Variants in NAA25 observed in about 807,000 individuals in gnomAD.
NAA25 encodes N-terminal acetyltransferase B complex subunit NAA25.
NAA25 carries 30 observed loss-of-function variants against 132.5 expected under a neutral mutation model. That is an observed-to-expected ratio of 0.23 (90% CI 0.17 to 0.31). NAA25 has a LOEUF of 0.31. Ranked by LOEUF, NAA25 falls within the 10% of genes least tolerant of loss-of-function variation. The pLI, the probability that NAA25 is intolerant of heterozygous loss-of-function variation, is 1.00. For missense variants in NAA25, 771 were observed against 1,150.4 expected (o/e 0.67, Z 4.77); for synonymous variants, 359 against 401.9 (o/e 0.89, Z 1.28).
chr12:112,070,135 A>G (rs959672726), intron 10 of NAA25, among the ~76,000 whole-genome samples: 13 of 152,278 alleles, frequency 8.5e-5, no homozygotes, highest in African/African-American at 3.1e-4. Flanking sequence ...CTCAAAAATA[A>G]TAATAATAAA....
intron 22 of NAA25, among the ~76,000 whole-genome samples, chr12:112,036,794 T>C (rs937193621): frequency 1.3e-4 from 20 of 151,404 alleles, no homozygotes; most frequent in African/African-American, 4.9e-4. Flanking sequence ...GTTGTAGTGA[T>C]TGCGCCATTG....
chr12:112,040,611 CTT>C (rs1169053630), intron 20 of NAA25, 33 bp from the exon 21 acceptor site: 1 of 1,231,814 alleles, frequency 8.1e-7, no homozygotes, highest in Non-Finnish European at 1.2e-6. Context: ...TTTTATTCAG[CTT>C]TTGTTTCAAT....
chr12:112,058,457 T>G (rs2078578257), intron 13 of NAA25, among the ~76,000 whole-genome samples: 1 of 152,218 alleles, frequency 6.6e-6, no homozygotes. Context: ...CACTTGACTT[T>G]TATCCTCAGG....
At chr12:112,107,046 G>C (rs1259500737) in intron 1 of NAA25, among the ~76,000 whole-genome samples, 4 of 151,354 alleles carry the variant, frequency 2.6e-5, no homozygotes, top group Non-Finnish European at 5.9e-5. Context: ...AGGCTGAGTA[G>C]GTCAAGAGTT....
At chr12:112,092,868 G>A (rs1455110243) in intron 2 of NAA25, among the ~76,000 whole-genome samples, 183 bp downstream of exon 2, 1 of 151,898 alleles carries the variant, frequency 6.6e-6, no homozygotes, top group Non-Finnish European at 1.5e-5. Flanking sequence ...AGTAGAGACA[G>A]GGTTTCACCA....
At position 112,043,187 on chromosome 12, in the gene NAA25, T is replaced by C. The variant is rs747279179; in HGVS notation, c.2275A>G (p.Thr759Ala). The change falls in exon 19 of 24, where the codon ACC becomes GCC. Residue 759 changes from threonine (T) to alanine (A), a missense_variant. Transcript: ENST00000261745. Reference protein sequence around the residue: ...IQYPFLGPVPTRMGGFFNSGC... With the variant: ...IQYPFLGPVPARMGGFFNSGC... ...GAATTAAAGAATCCACCCATTCTGG[T>C]AGGTACAGGACCAAGGAAAGGATAC... 1.9e-6 allele frequency: 3 copies of C among 1,612,976 alleles called. No individual in the cohort carries two copies. The highest frequency in any genetic ancestry group is 2.2e-5 in the East Asian group (1 of 44,840).
In NAA25 at chr12:112,071,959, A is replaced by T; in HGVS notation, c.972T>A (p.His324Gln). The T allele has an allele frequency of 6.2e-7, 1 of 1,614,070 alleles. No homozygotes were observed. The highest frequency in any genetic ancestry group is 8.5e-7 in the Non-Finnish European group (1 of 1,179,998). The change falls in exon 10 of 24, where the codon CAT (histidine) becomes CAA (glutamine). Residue 324 changes from histidine (H) to glutamine (Q), a missense_variant. This residue lies in a region of NAA25 where 417 missense variants were observed against 733.8 expected (regional missense o/e 0.57). Coordinates refer to ENST00000261745, the MANE Select transcript of NAA25 (RefSeq NM_024953.4). The stretch of plus-strand genomic sequence containing the variant: ...GCCTAATCAGCTCCAATTTAGCTAG[A>T]TGTGGTCCTCGGAGATGGCGAGAAC... The part of the protein sequence containing the change: ...SKSSRHLRGP[H>Q]LAKLELIRRL...
chr12:112,063,322 T>C (rs983497798), intron 11 of NAA25, among the ~76,000 whole-genome samples: 13 of 152,142 alleles, frequency 8.5e-5, no homozygotes, highest in Non-Finnish European at 1.5e-4. Flanking sequence ...ATAGAATATA[T>C]TAATTTCTAA....
intron 1 of NAA25, among the ~76,000 whole-genome samples, chr12:112,095,102 G>C (rs539038131): frequency 3.9e-5 from 6 of 152,194 alleles, no homozygotes; most frequent in African/African-American, 1.4e-4. Flanking sequence ...AGAAGTACAA[G>C]ACCAGCCCAG....
intron 23 of NAA25, among the ~76,000 whole-genome samples, chr12:112,031,796 T>C (rs2078153165): frequency 6.6e-6 from 1 of 151,508 alleles, no homozygotes; most frequent in African/African-American, 2.4e-5. Context: ...CCTGTGCTTT[T>C]ATCTGTGCCT....
chr12:112,072,354 T>C (rs1255034768), intron 9 of NAA25, among the ~76,000 whole-genome samples: 2 of 152,170 alleles, frequency 1.3e-5, no homozygotes, highest in Admixed American at 6.5e-5. Context: ...ACGCCTGTAA[T>C]CCCAGCACTT....
intron 11 of NAA25, among the ~76,000 whole-genome samples, chr12:112,062,591 T>C (rs2078650662): frequency 6.6e-6 from 1 of 151,262 alleles, no homozygotes; most frequent in South Asian, 2.1e-4. Context: ...CTGGGTGTGG[T>C]GGTGGGTGCC....
intron 1 of NAA25, among the ~76,000 whole-genome samples, chr12:112,106,720 G>T (rs2079366034): frequency 6.6e-6 from 1 of 151,964 alleles, no homozygotes; most frequent in African/African-American, 2.4e-5. Context: ...ACTCTGGGAG[G>T]CTGAGGCAGG....
At chr12:112,048,080 AC>A (rs1323383592) in intron 16 of NAA25, among the ~76,000 whole-genome samples, 18 of 152,100 alleles carry the variant, frequency 1.2e-4, no homozygotes, top group African/African-American at 4.3e-4. Flanking sequence ...GATGACCATG[AC>A]CTAAATGGCT....
At chr12:112,046,759 T>C (rs981202201) in intron 17 of NAA25, among the ~76,000 whole-genome samples, 8 of 152,226 alleles carry the variant, frequency 5.3e-5, no homozygotes, top group African/African-American at 9.6e-5. Context: ...AGAAACAAAA[T>C]CTTTATTGCT....
At chr12:112,064,998 C>A (rs1401552940) in intron 11 of NAA25, among the ~76,000 whole-genome samples, 1 of 152,052 alleles carries the variant, frequency 6.6e-6, no homozygotes, top group African/African-American at 2.4e-5. Context: ...CGCGCCATTG[C>A]ACTCTAGCCT....
chr12:112,074,124 T>A (rs1377832158), intron 9 of NAA25, among the ~76,000 whole-genome samples: 1 of 151,986 alleles, frequency 6.6e-6, no homozygotes, highest in Non-Finnish European at 1.5e-5. Flanking sequence ...GTGGATCACC[T>A]GAGGTCAGGA....
chr12:112,064,590 C>T lies in NAA25; in HGVS notation c.1150-3202G>A, dbSNP rs982545926. Among the ~76,000 whole-genome samples, 5 of 152,266 alleles carry T rather than the reference C, an allele frequency of 3.3e-5. No homozygotes were observed. The South Asian group carries it at 1.0e-3, about 32-fold the overall frequency. ...TCTACTGCCAGTTCTTCTATTCTTG[C>T]AAGCCATTTTATATATTAGTTAGGT... On this transcript the variant is annotated intron_variant, in intron 11 of 23. Transcript: ENST00000261745.
chr12:112,040,135 A>G (rs1190960891), intron 21 of NAA25: 1 of 176,394 alleles, frequency 5.7e-6, no homozygotes, highest in African/African-American at 2.4e-5. Flanking sequence ...TTAGCAATTA[A>G]TAAATGACAA....
Sources: gnomAD v4.1 joint callset for allele counts (sites outside exome capture counted in the v4.1 genomes callset) on GRCh38, gnomAD v4.1.1 for gene constraint, gnomAD v4.1.1 regional missense constraint, MANE v1.5 for transcripts, NCBI Gene and HGNC (gene_info 2026-07-23, HGNC 2026-07-21) for gene names.